Variants in HAUS8 observed in about 807,000 individuals in gnomAD.
HAUS8 encodes HAUS augmin-like complex subunit 8.
Under a neutral mutation model 42.9 loss-of-function variants are expected in HAUS8, and 38 were observed. The ratio of observed to expected loss-of-function variants is 0.89; its 90% CI spans 0.68 to 1.16. The LOEUF (loss-of-function observed/expected upper bound fraction) is 1.16, where lower values mean the gene tolerates loss of function less well. HAUS8 is among the 50% of genes most tolerant of loss of function. The probability of loss-of-function intolerance (pLI) is 0.00; values close to 1 mark genes in which losing one functional copy is unlikely to be tolerated. For synonymous variants in HAUS8, 199 were observed against 205.8 expected (o/e 0.97, Z 0.28); for missense variants, 494 against 511.6 (o/e 0.97, Z 0.33).
At chr19:17,052,994 T>C (rs750925682) in intron 9 of HAUS8, 28 bp from the exon 10 acceptor site, 6 of 1,613,980 alleles carry the variant, frequency 3.7e-6, no homozygotes, top group South Asian at 3.3e-5. Context: ...TGGTGGGCGA[T>C]GGATGGCAAG....
intron 2 of HAUS8, among the ~76,000 whole-genome samples, chr19:17,072,338 CTTTTTTT>C (rs71180355): frequency 2.3e-5 from 2 of 87,538 alleles, no homozygotes; most frequent in African/African-American, 5.0e-5. Flanking sequence ...CGAGCATTTC[CTTTTTTT>C]TTTTTTTTTT....
At chr19:17,058,454 C>T (rs1182263572) in intron 8 of HAUS8, 95 bp downstream of exon 8, 4 of 1,249,828 alleles carry the variant, frequency 3.2e-6, no homozygotes, top group Non-Finnish European at 3.3e-6. Context: ...AGCCAGTGAG[C>T]AATGATACCC....
intron 3 of HAUS8, among the ~76,000 whole-genome samples, chr19:17,066,076 C>T (rs2057385763): frequency 6.6e-6 from 1 of 152,022 alleles, no homozygotes; most frequent in Non-Finnish European, 1.5e-5. Context: ...CTGCCTCAGC[C>T]TCCCGAGTAG....
chr19:17,070,148 C>T (rs1368027346), intron 2 of HAUS8, among the ~76,000 whole-genome samples: 1 of 151,458 alleles, frequency 6.6e-6, no homozygotes, highest in Non-Finnish European at 1.5e-5. Context: ...TATTCACCAG[C>T]TCCCCTTTCT....
chr19:17,070,430 C>T lies in HAUS8; in HGVS notation c.92-1344G>A, dbSNP rs369481502. Among the ~76,000 whole-genome samples the T allele has an allele frequency of 3.7e-4, 57 of 152,328 alleles. 1 individual carries two copies. In the South Asian group the frequency reaches 0.011, roughly 30 times the overall value. Reference sequence around the variant, plus strand: ...CAGGAAGCCTAAGTGCCTCCGGGAACCTTCTGGACCCTGTGCCACCAACAA... The same window carrying T: ...CAGGAAGCCTAAGTGCCTCCGGGAATCTTCTGGACCCTGTGCCACCAACAA... On this transcript the variant is annotated intron_variant, in intron 2 of 10. Transcript: ENST00000253669.
chr19:17,063,282 G>C (rs1390734166), intron 3 of HAUS8, among the ~76,000 whole-genome samples: 2 of 152,126 alleles, frequency 1.3e-5, no homozygotes, highest in Non-Finnish European at 2.9e-5. Flanking sequence ...GGATCGCTCG[G>C]GTCCAGGGGT....
At chr19:17,058,965 T>C (rs771855854) in intron 6 of HAUS8, 89 bp from the exon 7 acceptor site, 3 of 1,024,504 alleles carry the variant, frequency 2.9e-6, no homozygotes, top group Non-Finnish European at 4.3e-6. Flanking sequence ...CTGGCTTGTG[T>C]GGATTTTCTG....
chr19:17,060,271 C>T lies in HAUS8; in HGVS notation c.230-179G>A, dbSNP rs2057352694. 7.2e-6 allele frequency: 4 copies of T among 552,180 alleles called. No homozygotes were observed. The Admixed American group carries it at 1.3e-4, about 18-fold the overall frequency. 34.2% of individuals were successfully genotyped at this position (552,180 alleles called of 1,614,324 possible). A position where few individuals can be genotyped will look rare whatever the true frequency, so the allele number is the denominator to read the frequency against. ...AACCTGTGGAAATTCCCAGCCATCA[C>T]CTTGACTCTATTTTTAAAGTACCAC... On this transcript the variant is annotated intron_variant, in intron 4 of 10. Transcript: ENST00000253669.
At chr19:17,061,023 A>C (rs2057357403) in intron 4 of HAUS8, among the ~76,000 whole-genome samples, 7 of 152,148 alleles carry the variant, frequency 4.6e-5, no homozygotes, top group Admixed American at 3.3e-4. Context: ...TATAACAACG[A>C]TTTGTGTTGA....
chr19:17,053,234 A>C, intron 9 of HAUS8: 1 of 490,542 alleles, frequency 2.0e-6, no homozygotes, highest in Non-Finnish European at 3.7e-6. Flanking sequence ...ACAGAAACCA[A>C]TGCAAATGTG....
At position 17,049,972 on chromosome 19, in the gene HAUS8, G is replaced by A. The variant is rs1021528393; in HGVS notation, c.1134C>T (p.Pro378=). The A allele has an allele frequency of 9.4e-6, 15 of 1,599,444 alleles. No individual in the cohort carries two copies. The highest frequency in any genetic ancestry group is 4.0e-5 in the African/African-American group (3 of 74,280). Reference sequence around the variant, plus strand: ...TTGGGCTGATGAACGTGGCCTGAGCGGGGGCTGACGAGGCACCCGGGTTGT... The same window carrying A: ...TTGGGCTGATGAACGTGGCCTGAGCAGGGGCTGACGAGGCACCCGGGTTGT... ...EDDNPGASSA[P]AQATFISPSE... Residue 378 remains proline, a synonymous_variant, in exon 11 of 11, where the codon CCC becomes CCT. Transcript: ENST00000253669.
intron 3 of HAUS8, among the ~76,000 whole-genome samples, chr19:17,065,644 A>G (rs1030702640): frequency 1.3e-5 from 2 of 152,050 alleles, no homozygotes; most frequent in African/African-American, 2.4e-5. Flanking sequence ...CCTGACCAAC[A>G]TGGAGAAACC....
At chr19:17,068,738 T>C (rs928457126) in intron 3 of HAUS8, among the ~76,000 whole-genome samples, 10 of 151,994 alleles carry the variant, frequency 6.6e-5, no homozygotes, top group Non-Finnish European at 1.5e-4. Flanking sequence ...CACTCCAGCC[T>C]GGGCAACAGA....
In HAUS8 at chr19:17,056,014, A is replaced by C; in HGVS notation, c.646-12T>G. The C allele has an allele frequency of 6.2e-7, 1 of 1,613,784 alleles. No individual in the cohort carries two copies. Among genetic ancestry groups the C allele is most frequent in the Non-Finnish European group, 8.5e-7 (1 of 1,179,850 alleles). On this transcript the variant is annotated splice_polypyrimidine_tract_variant and intron_variant, in intron 8 of 10. Coordinates refer to ENST00000253669, the MANE Select transcript of HAUS8 (RefSeq NM_033417.2). Reference sequence around the variant, plus strand: ...CTGAGCATCTCGATCTGTAAGCAGAAGGGATAATCAGGGGAGACCCTGGAG... The same window carrying C: ...CTGAGCATCTCGATCTGTAAGCAGACGGGATAATCAGGGGAGACCCTGGAG...
intron 3 of HAUS8, among the ~76,000 whole-genome samples, chr19:17,064,361 C>T (rs1055283825): frequency 1.3e-5 from 2 of 152,156 alleles, no homozygotes; most frequent in Non-Finnish European, 2.9e-5. Context: ...AGATATTTTG[C>T]TAGAAAATGA....
chr19:17,068,427 T>C (rs2057401010), intron 3 of HAUS8, among the ~76,000 whole-genome samples: 1 of 152,146 alleles, frequency 6.6e-6, no homozygotes, highest in East Asian at 1.9e-4. Flanking sequence ...TGCTGGGCAC[T>C]GGATAAGACA....
chr19:17,050,245 G>C, intron 10 of HAUS8, 69 bp from the exon 11 acceptor site: 1 of 1,238,730 alleles, frequency 8.1e-7, no homozygotes, highest in South Asian at 2.2e-5. Context: ...GTGGTGAACG[G>C]AGGGCTGCCA....
At chr19:17,060,113 G>A (rs142417253) in intron 4 of HAUS8, 21 bp from the exon 5 acceptor site, 122 of 1,535,670 alleles carry the variant, frequency 7.9e-5, no homozygotes, top group Middle Eastern at 3.4e-4. Flanking sequence ...AAGAATCCCC[G>A]AAAGTCAGCA....
chr19:17,059,130 A>G (rs1403982415), intron 6 of HAUS8, among the ~76,000 whole-genome samples: 1 of 152,228 alleles, frequency 6.6e-6, no homozygotes, highest in Non-Finnish European at 1.5e-5. Context: ...GCAGCTGGGT[A>G]GTCAAGGACA....
Sources: allele counts gnomAD v4.1 joint callset (sites outside exome capture counted in the v4.1 genomes callset), GRCh38; gene constraint gnomAD v4.1.1; transcripts MANE v1.5; gene names NCBI Gene and HGNC (gene_info 2026-07-23, HGNC 2026-07-21).